FGF20: variants seen among roughly 807,000 people sequenced by gnomAD.
The protein encoded by FGF20 is fibroblast growth factor 20.
Under a neutral mutation model 16.7 loss-of-function variants are expected in FGF20, and 8 were observed. The observed-to-expected ratio is 0.48, with a 90% CI of 0.28 to 0.87. FGF20 has a LOEUF of 0.87. Among genes scored for constraint, FGF20 ranks in the 40% least tolerant of loss-of-function variants. The probability of loss-of-function intolerance (pLI) is 0.10; values close to 1 mark genes in which losing one functional copy is unlikely to be tolerated. For synonymous variants in FGF20, 161 were observed against 118.6 expected, an observed-to-expected ratio of 1.36 and a Z score of -2.32; for missense variants, 397 against 281.4, an observed-to-expected ratio of 1.41 and a Z score of -2.94.
Position 16,995,702 on chromosome 8 carries a change from T to C in FGF20, c.343A>G (p.Ser115Gly). The change falls in exon 2 of 3, where the codon AGT (serine) becomes GGT (glycine). Residue 115 changes from serine to glycine, a missense_variant. Ser to Gly is a moderately conservative substitution (Grantham distance 56, BLOSUM62 0). Transcript: ENST00000180166. ...TCATTCATTCCAAGATAGAGACCAC[T>C]GTCCACACCTCTAATACTGACCAGT... is the stretch of plus-strand genomic sequence containing the variant. ...VGLVSIRGVD[S>G]GLYLGMNDKG... 3.7e-6 allele frequency: 6 copies of C among 1,609,262 alleles called. No individual in the cohort carries two copies. Among genetic ancestry groups the C allele is most frequent in the Non-Finnish European group, 4.3e-6 (5 of 1,176,156 alleles).
rs773276145 is a variant in FGF20 at position 17,001,880 on chromosome 8, C to A, written c.153G>T (p.Gly51=). ...RSAAERSARG[G]PGAAQLAHLH... is the part of the protein sequence containing the mutation. ...GGTGCGCCAGCTGCGCAGCCCCCGG[C>A]CCGCCGCGCGCGCTCCGCTCCGCCG... Residue 51 remains glycine (G), a synonymous_variant, in exon 1 of 3, where the codon GGG becomes GGT. Coordinates refer to ENST00000180166, the MANE Select transcript of FGF20 (RefSeq NM_019851.3). 3 of 1,436,260 alleles carry A rather than the reference C, an allele frequency of 2.1e-6. No homozygotes were observed. The highest frequency in any genetic ancestry group is 2.7e-6 in the Non-Finnish European group (3 of 1,099,970). The allele number at this position is 1,436,260 out of a possible 1,614,324, so 89.0% of individuals were successfully genotyped here.
intron 2 of FGF20, among the ~76,000 whole-genome samples, chr8:16,995,002 T>C (rs574152114): frequency 6.6e-6 from 1 of 152,316 alleles, no homozygotes; most frequent in South Asian, 2.1e-4. Flanking sequence ...AAACTTAAAC[T>C]GATGAAATAT....
chr8:16,994,880 A>AC (rs35781376), intron 2 of FGF20, among the ~76,000 whole-genome samples: 18 of 152,294 alleles, frequency 1.2e-4, no homozygotes, highest in Non-Finnish European at 2.4e-4. Context: ...AAATGAAAAA[A>AC]TGTTAACAAT....
intron 1 of FGF20, among the ~76,000 whole-genome samples, chr8:16,996,760 C>A (rs977180150): frequency 6.6e-6 from 1 of 152,092 alleles, no homozygotes; most frequent in East Asian, 1.9e-4. Flanking sequence ...ATATTATTAT[C>A]CCCATTTTAC....
chr8:16,994,427 CA>C (rs1171929805), intron 2 of FGF20, among the ~76,000 whole-genome samples: 2 of 151,944 alleles, frequency 1.3e-5, no homozygotes, highest in Non-Finnish European at 2.9e-5. Context: ...AGTGATAAAC[CA>C]CAGTTGCTTT....
Position 17,001,902 on chromosome 8 carries a change from G to T in FGF20, c.131C>A (p.Ala44Glu). 6.8e-7 allele frequency: 1 copy of T among 1,469,192 alleles called. No homozygotes were observed. Among genetic ancestry groups the T allele is most frequent in the Non-Finnish European group, 9.0e-7 (1 of 1,112,868 alleles). 91.0% of individuals were successfully genotyped at this position (1,469,192 alleles called of 1,614,324 possible). ...CGGCCCGCCGCGCGCGCTCCGCTCCGCCGCGCTCCTGCGCTCGCCCAGCAG... is the reference window on the plus strand; with the variant it reads ...CGGCCCGCCGCGCGCGCTCCGCTCCTCCGCGCTCCTGCGCTCGCCCAGCAG... ...PPLLGERRSA[A>E]ERSARGGPGA... The change falls in exon 1 of 3, where the codon GCG becomes GAG. Residue 44 changes from alanine to glutamate, a missense_variant. Physicochemically the swap from Ala to Glu is moderately radical, Grantham distance 107. Coordinates refer to ENST00000180166, the MANE Select transcript of FGF20 (RefSeq NM_019851.3).
rs1274005326 is a variant in FGF20 at position 17,001,955 on chromosome 8, C to G, written c.78G>C (p.Leu26=). 5.3e-6 allele frequency: 8 copies of G among 1,504,964 alleles called. No individual in the cohort carries two copies. The highest frequency in any genetic ancestry group is 1.7e-4 in the Middle Eastern group (1 of 5,862). 93.2% of individuals were successfully genotyped at this position (1,504,964 alleles called of 1,614,324 possible). A position where few individuals can be genotyped will look rare whatever the true frequency, so the allele number is the denominator to read the frequency against. Residue 26 remains leucine, a synonymous_variant, in exon 1 of 3, where the codon CTG becomes CTC. Transcript: ENST00000180166. ...GCGGCCGCTCCCCGGCAGGAGGCAA[C>G]AGGAAATGCGAACCCACCTGCTGGC... ...GLGQQVGSHF[L]LPPAGERPPL... is the part of the protein sequence containing the mutation.
chr8:17,002,134 A>C lies in FGF20; in HGVS notation c.-102T>G. 2 of 1,268,034 alleles carry C rather than the reference A, an allele frequency of 1.6e-6. No homozygotes were observed. Among genetic ancestry groups the C allele is most frequent in the South Asian group, 3.5e-5 (2 of 57,444 alleles). The allele number at this position is 1,268,034 out of a possible 1,614,324, so 78.5% of individuals were successfully genotyped here. ...AAATTATAGCAAAACGAGCGCAAAA[A>C]GTTAAGGCCCGGTTACTCCTCTGAG... On this transcript the variant is annotated 5_prime_UTR_variant, in exon 1 of 3. Transcript: ENST00000180166.
rs1196610957 is a variant in FGF20 at position 16,992,257 on chromosome 8, G to T, written c.*815C>A. 1 of 151,968 alleles carries T rather than the reference G, an allele frequency of 6.6e-6. No homozygotes were observed. The highest frequency in any genetic ancestry group is 1.9e-4 in the East Asian group (1 of 5,180). 9.4% of individuals were successfully genotyped at this position (151,968 alleles called of 1,614,324 possible). The stretch of plus-strand genomic sequence containing the variant: ...AATGAGGCATTTTTCTAGGCCAAAA[G>T]AAACCAACGTTACATTTAGAAGGCA... On this transcript the variant is annotated 3_prime_UTR_variant, in exon 3 of 3. Transcript: ENST00000180166.
chr8:16,996,711 C>G (rs1234081869), intron 1 of FGF20, among the ~76,000 whole-genome samples: 1 of 152,118 alleles, frequency 6.6e-6, no homozygotes, highest in Non-Finnish European at 1.5e-5. Context: ...ATTTTCTTAT[C>G]TGGCCCTAAA....
At chr8:16,999,468 G>C (rs1375139337) in intron 1 of FGF20, among the ~76,000 whole-genome samples, 1 of 150,588 alleles carries the variant, frequency 6.6e-6, no homozygotes, top group Non-Finnish European at 1.5e-5. Flanking sequence ...AAGTAAAAGA[G>C]GCCTTTTTTT....
rs1017405468 is a variant in FGF20 at position 17,001,970 on chromosome 8, C to G, written c.63G>C (p.Val21=). 6.6e-7 allele frequency: 1 copy of G among 1,510,948 alleles called. No homozygotes were observed. The highest frequency in any genetic ancestry group is 1.7e-4 in the Middle Eastern group (1 of 5,886). 93.6% of individuals were successfully genotyped at this position (1,510,948 alleles called of 1,614,324 possible). ...CAGGAGGCAACAGGAAATGCGAACC[C>G]ACCTGCTGGCCCAAGCCCTCCAGGC... The part of the protein sequence containing the change: ...LGGLEGLGQQ[V]GSHFLLPPAG... The change falls in exon 1 of 3, where the codon GTG becomes GTC. Residue 21 remains valine (V), a synonymous_variant. Transcript: ENST00000180166.
chr8:17,002,272 T>G lies in FGF20; in HGVS notation c.-240A>C. 2.3e-6 allele frequency: 1 copy of G among 438,012 alleles called. No individual in the cohort carries two copies. Among genetic ancestry groups the G allele is most frequent in the Non-Finnish European group, 3.9e-6 (1 of 253,500 alleles). 27.1% of individuals were successfully genotyped at this position (438,012 alleles called of 1,614,324 possible). A position where few individuals can be genotyped will look rare whatever the true frequency, so the allele number is the denominator to read the frequency against. ...GCTGCTGGCTCTGCAGAAATATCTA[T>G]AGCTGCCGCTGCCAATACTAGGACT... is the stretch of plus-strand genomic sequence containing the variant. On this transcript the variant is annotated 5_prime_UTR_variant, in exon 1 of 3. Transcript: ENST00000180166.
At chr8:17,000,327 TACCAAATG>T (rs1810152529) in intron 1 of FGF20, among the ~76,000 whole-genome samples, 1 of 152,172 alleles carries the variant, frequency 6.6e-6, no homozygotes, top group Non-Finnish European at 1.5e-5. Context: ...CTTTAAGTGC[TACCAAATG>T]ACCACCACAT....
At chr8:16,997,993 T>C in intron 1 of FGF20, among the ~76,000 whole-genome samples, 1 of 149,410 alleles carries the variant, frequency 6.7e-6, no homozygotes, top group African/African-American at 2.4e-5. Flanking sequence ...TTCTCTTGTC[T>C]TTCAAAGAAC....
rs1456760397 is a variant in FGF20 at position 16,992,670 on chromosome 8, T to C, written c.*402A>G. ...TTCTACAAGGTCCTCAGAATTTATG[T>C]AGCAATGCTCTTGGCTAAGTCAATC... On this transcript the variant is annotated 3_prime_UTR_variant, in exon 3 of 3. Coordinates refer to ENST00000180166, the MANE Select transcript of FGF20 (RefSeq NM_019851.3). 3 of 155,480 alleles carry C rather than the reference T, an allele frequency of 1.9e-5. No individual in the cohort carries two copies. The highest frequency in any genetic ancestry group is 7.2e-5 in the African/African-American group (3 of 41,468). The allele number at this position is 155,480 out of a possible 1,614,324, so 9.6% of individuals were successfully genotyped here.
intron 1 of FGF20, 139 bp from the exon 2 acceptor site, chr8:16,995,897 A>T: frequency 1.9e-6 from 1 of 516,128 alleles, no homozygotes; most frequent in Non-Finnish European, 3.4e-6. Context: ...AGTCCTTTGT[A>T]CACTGGAAAC....
chr8:16,995,872 T>C (rs2150434808), intron 1 of FGF20, 114 bp from the exon 2 acceptor site: 3 of 563,422 alleles, frequency 5.3e-6, no homozygotes, highest in Middle Eastern at 5.5e-4. Flanking sequence ...CCAAATATAA[T>C]GATGTACGTG....
At chr8:16,998,763 T>C (rs758404565) in intron 1 of FGF20, among the ~76,000 whole-genome samples, 1 of 152,090 alleles carries the variant, frequency 6.6e-6, no homozygotes, top group Non-Finnish European at 1.5e-5. Flanking sequence ...GCTAAACTTT[T>C]TTTTTTTCAG....
Sources: allele counts gnomAD v4.1 joint callset (sites outside exome capture counted in the v4.1 genomes callset), GRCh38; gene constraint gnomAD v4.1.1; transcripts MANE v1.5; gene names NCBI Gene and HGNC (gene_info 2026-07-23, HGNC 2026-07-21).